The following CRACD variants were observed in gnomAD, a reference collection of about 807,000 sequenced individuals.
CRACD encodes capping protein-inhibiting regulator of actin dynamics.
In CRACD, 56 loss-of-function variants were observed where a neutral mutation model predicts 106.8. That is an observed-to-expected ratio of 0.52 (90% CI 0.42 to 0.66). CRACD has a LOEUF of 0.66. Among genes scored for constraint, CRACD ranks in the 30% least tolerant of loss-of-function variants. The pLI is 0.00. For missense variants in CRACD, 1,730 were observed against 1,623.2 expected (o/e 1.07, Z -1.13); for synonymous variants, 754 against 670.8 (o/e 1.12, Z -1.92).
chr4:56,303,397 A>T (rs1447927696), intron 4 of CRACD, among the ~76,000 whole-genome samples: 1 of 150,396 alleles, frequency 6.6e-6, no homozygotes, highest in Non-Finnish European at 1.5e-5. Flanking sequence ...TATTTTTTTT[A>T]AAGATGGGAG....
Position 56,316,607 on chromosome 4 carries a change from G to A in CRACD, c.3105G>A (p.Ala1035=), listed in dbSNP as rs778250997. ...AGAAGAGGGACGAGGAGGAAGAGGC[G>A]ACAGAGAGGAAACCTGCTTCCCCAC... The part of the protein sequence containing the change: ...KGQKRDEEEE[A]TERKPASPPL... The change falls in exon 8 of 11, where the codon GCG becomes GCA. Residue 1035 remains alanine, a synonymous_variant. Transcript: ENST00000682029. 4.0e-5 allele frequency: 65 copies of A among 1,613,248 alleles called. 1 individual carries two copies. In the South Asian group the frequency reaches 6.0e-4, roughly 15 times the overall value.
Position 56,314,263 on chromosome 4 carries a change from A to G in CRACD, c.761A>G (p.Gln254Arg). Residue 254 changes from glutamine to arginine, a missense_variant, in exon 8 of 11, where the codon CAG becomes CGG. Coordinates refer to ENST00000682029, the MANE Select transcript of CRACD (RefSeq NM_001393381.1). The surrounding 1 kb of genome is among the most constrained non-coding windows in gnomAD (Gnocchi z 4.4). ...AGACGCCTAGAGGAGCAGAGGCTGC[A>G]GGCGCTGGAGAGGAGGCTTTGGGAA... ...EKRRLEEQRL[Q>R]ALERRLWEEN... 6.4e-7 allele frequency: 1 copy of G among 1,567,854 alleles called. No individual in the cohort carries two copies. The highest frequency in any genetic ancestry group is 8.7e-7 in the Non-Finnish European group (1 of 1,155,650).
At chr4:56,253,889 G>C (rs1290799417) in intron 2 of CRACD, among the ~76,000 whole-genome samples, 3 of 152,156 alleles carry the variant, frequency 2.0e-5, no homozygotes, top group Non-Finnish European at 4.4e-5. Context: ...AAGGACAGAG[G>C]ACAGCTCTGG....
intron 2 of CRACD, among the ~76,000 whole-genome samples, chr4:56,264,527 T>C (rs958485454): frequency 6.6e-6 from 1 of 152,184 alleles, no homozygotes; most frequent in Non-Finnish European, 1.5e-5. Context: ...GTCCCCATGT[T>C]CTCTGCCTCT....
intron 8 of CRACD, among the ~76,000 whole-genome samples, chr4:56,319,714 T>G (rs1280994018): frequency 6.6e-6 from 1 of 152,228 alleles, no homozygotes; most frequent in Admixed American, 6.5e-5. Flanking sequence ...CCTCTCACAT[T>G]TCCTGTGACG....
At chr4:56,187,086 C>A (rs1330978942) in intron 2 of CRACD, among the ~76,000 whole-genome samples, 1 of 151,690 alleles carries the variant, frequency 6.6e-6, no homozygotes, top group Non-Finnish European at 1.5e-5. Context: ...AAAAAAACAA[C>A]CAGAGGCTTT....
At chr4:56,182,863 A>ATGTGTGTGTGTGTGTGTGTGTG (rs34291347) in intron 2 of CRACD, among the ~76,000 whole-genome samples, 2 of 144,828 alleles carry the variant, frequency 1.4e-5, no homozygotes, top group South Asian at 2.2e-4. Context: ...AAAAAAAGAT[A>ATGTGTGTGTGTGTGTGTGTGTG]TGTGTGTGTG....
chr4:56,111,442 C>T lies in CRACD; in HGVS notation c.-336+62143C>T, dbSNP rs73164259. On this transcript the variant is annotated intron_variant, in intron 1 of 10. Transcript: ENST00000682029. ...TGATTCTTTAAACTGTGTGTTTATA[C>T]GACTTTGGTGTTAAGGAAACATACA... is the stretch of plus-strand genomic sequence containing the variant. Among the ~76,000 whole-genome samples, 1,001 of 152,110 alleles carry T rather than the reference C, an allele frequency of 6.6e-3. 22 individuals carry two copies. Among genetic ancestry groups the T allele is most frequent in the East Asian group, 0.065 (338 of 5,184 alleles).
rs17086616 is a variant in CRACD at position 56,274,283 on chromosome 4, A to G, written c.-17+1791A>G. 8.7e-3 allele frequency among the ~76,000 whole-genome samples: 1,327 copies of G among 152,340 alleles called. 25 individuals are homozygous for G. Among genetic ancestry groups the G allele is most frequent in the African/African-American group, 0.03 (1,245 of 41,562 alleles). On this transcript the variant is annotated intron_variant, in intron 3 of 10. Transcript: ENST00000682029. ...AGCGTGAACTTTTTGGCCTCACGGT[A>G]TCAGGATGAGGAACAGATAGTAAAA...
At chr4:56,085,646 T>G (rs139263512) in intron 1 of CRACD, among the ~76,000 whole-genome samples, 3,669 of 152,324 alleles carry the variant, frequency 0.024, 65 homozygotes, top group Admixed American at 0.058. Flanking sequence ...TTTGTTATAA[T>G]CCTTTAAAAA....
At chr4:56,266,891 A>C (rs1458056547) in intron 2 of CRACD, among the ~76,000 whole-genome samples, 1 of 152,198 alleles carries the variant, frequency 6.6e-6, no homozygotes, top group African/African-American at 2.4e-5. Context: ...CTTTTTTGAC[A>C]TGAGAGATCT....
rs200930685 is a variant in CRACD at position 56,282,326 on chromosome 4, C to A, written c.-17+9834C>A. On this transcript the variant is annotated intron_variant, in intron 3 of 10. Coordinates refer to ENST00000682029, the MANE Select transcript of CRACD (RefSeq NM_001393381.1). ...AAAGGATAAGGAATAGGAGGGCTGG[C>A]CTGAGGCATGCATTCACTGTGCAGC... 1.4e-4 allele frequency among the ~76,000 whole-genome samples: 21 copies of A among 152,292 alleles called. No individual in the cohort carries two copies. In the East Asian group the frequency reaches 3.9e-3, roughly 28 times the overall value.
intron 2 of CRACD, among the ~76,000 whole-genome samples, chr4:56,184,143 T>C (rs552827913): frequency 2.0e-5 from 3 of 152,206 alleles, no homozygotes; most frequent in African/African-American, 7.2e-5. Flanking sequence ...CGATCTCAGC[T>C]CACGGCAACC....
intron 3 of CRACD, among the ~76,000 whole-genome samples, chr4:56,295,660 CATATATATATATATATATAT>C (rs57635563): frequency 0.15 from 16,117 of 108,956 alleles, 1,458 homozygotes; most frequent in Admixed American, 0.19. Flanking sequence ...AATTAGTAAA[CATATATATATATATATATAT>C]ATATATATAT....
rs569403699 is a variant in CRACD at position 56,154,777 on chromosome 4, T to TC, written c.-335-24506dup. Among the ~76,000 whole-genome samples the TC allele has an allele frequency of 4.3e-3, 662 of 152,222 alleles. 2 individuals are homozygous for TC. Among genetic ancestry groups the TC allele is most frequent in the Non-Finnish European group, 7.7e-3 (522 of 68,024 alleles). On this transcript the variant is annotated intron_variant, in intron 1 of 10. Transcript: ENST00000682029. Reference sequence around the variant, plus strand: ...GAAAATGAGTCAGCAGAGATGCTCATCATTGTCTTTTAGAAGGTTTTGTTA... The same window carrying TC: ...GAAAATGAGTCAGCAGAGATGCTCATCCATTGTCTTTTAGAAGGTTTTGTTA...
intron 2 of CRACD, among the ~76,000 whole-genome samples, chr4:56,242,768 C>T (rs1740440976): frequency 6.6e-6 from 1 of 152,102 alleles, no homozygotes; most frequent in South Asian, 2.1e-4. Context: ...CTGCATAAAA[C>T]CAGAAGTTTA....
At chr4:56,147,080 C>A (rs1251777487) in intron 1 of CRACD, among the ~76,000 whole-genome samples, 10 of 152,154 alleles carry the variant, frequency 6.6e-5, no homozygotes, top group Non-Finnish European at 1.5e-5. Flanking sequence ...ATCATCCTGA[C>A]TTAGGCCAGT....
At chr4:56,298,932 C>CCAACAA (rs552456181) in intron 4 of CRACD, among the ~76,000 whole-genome samples, 2 of 151,786 alleles carry the variant, frequency 1.3e-5, no homozygotes, top group Non-Finnish European at 2.9e-5. Flanking sequence ...GGCTCTCTCC[C>CCAACAA]CAACAACAAC....
intron 4 of CRACD, among the ~76,000 whole-genome samples, chr4:56,299,846 CAA>C (rs60808205): frequency 6.6e-5 from 9 of 136,454 alleles, no homozygotes; most frequent in Admixed American, 7.3e-5. Context: ...AATAAACGAG[CAA>C]AAAAAAAAAA....
Sources: gnomAD v4.1 joint callset for allele counts (sites outside exome capture counted in the v4.1 genomes callset) on GRCh38, gnomAD v4.1.1 for gene constraint, Gnocchi (gnomAD v3.1) non-coding constraint, MANE v1.5 for transcripts, NCBI Gene and HGNC (gene_info 2026-07-23, HGNC 2026-07-21) for gene names.